UPB1: variants seen among roughly 807,000 people sequenced by gnomAD.
UPB1 encodes beta-ureidopropionase 1.
Under a neutral mutation model 49.1 loss-of-function variants are expected in UPB1, and 40 were observed. The ratio of observed to expected loss-of-function variants is 0.81; its 90% confidence interval spans 0.63 to 1.06. The LOEUF (loss-of-function observed/expected upper bound fraction) is 1.06, where lower values mean the gene tolerates loss of function less well. Ranked by LOEUF, UPB1 falls within the 50% of genes least tolerant of loss-of-function variation. The pLI, the probability that UPB1 is intolerant of heterozygous loss-of-function variation, is 0.00. For synonymous variants in UPB1, 207 were observed against 198.2 expected (o/e 1.04, Z -0.38); for missense variants, 499 against 505.9 (o/e 0.99, Z 0.13).
At chr22:24,502,393 T>G in intron 3 of UPB1, 180 bp downstream of exon 3, 1 of 797,580 alleles carries the variant, frequency 1.3e-6, no homozygotes, top group South Asian at 1.3e-5. Context: ...ACCGAGCTGT[T>G]GTCTGATTCC....
rs574467753 is a variant in UPB1 at position 24,502,420 on chromosome 22, C to T, written c.364+207C>T. The T allele has an allele frequency of 8.4e-4, 663 of 785,428 alleles. 8 individuals carry two copies. Among genetic ancestry groups the T allele is most frequent in the South Asian group, 8.1e-3 (602 of 74,708 alleles). 48.7% of individuals were successfully genotyped at this position (785,428 alleles called of 1,614,324 possible). A position where few individuals can be genotyped will look rare whatever the true frequency, so the allele number is the denominator to read the frequency against. ...TCTGATTCCTTCAGTTTTCCCACAT[C>T]GTTCTGAATCCATTCGCTCCTCTCC... On this transcript the variant is annotated intron_variant, in intron 3 of 9. Transcript: ENST00000326010.
Position 24,527,456 on chromosome 22 carries a change from CA to C in UPB1, c.*1663del, listed in dbSNP as rs2044490860. On this transcript the variant is annotated 3_prime_UTR_variant, in exon 10 of 10. Coordinates refer to ENST00000326010, the MANE Select transcript of UPB1 (RefSeq NM_016327.3). ...GGGAGCCCCTTGGCAGTTATCAGTG[CA>C]GCGCCTATTTAGCCCTGTCCCTGAA... 1 of 151,070 alleles carries C rather than the reference CA, an allele frequency of 6.6e-6. No individual in the cohort carries two copies. The allele number at this position is 151,070 out of a possible 1,614,324, so 9.4% of individuals were successfully genotyped here.
intron 3 of UPB1, among the ~76,000 whole-genome samples, chr22:24,506,347 G>A (rs1428551151): frequency 1.3e-5 from 2 of 152,078 alleles, no homozygotes; most frequent in Non-Finnish European, 2.9e-5. Flanking sequence ...ATAGACCTTT[G>A]ACCAGTCCTT....
chr22:24,516,307 C>T (rs899855850), intron 6 of UPB1, among the ~76,000 whole-genome samples: 2 of 152,090 alleles, frequency 1.3e-5, no homozygotes, highest in African/African-American at 4.8e-5. Flanking sequence ...GGAGGGTGGC[C>T]CCGGAAGCCC....
intron 6 of UPB1, among the ~76,000 whole-genome samples, chr22:24,518,954 C>G (rs1233573589): frequency 1.3e-5 from 2 of 152,188 alleles, no homozygotes; most frequent in African/African-American, 4.8e-5. Context: ...TCTCACTAAC[C>G]CCAGCTTCCT....
At chr22:24,518,671 TTCA>T in intron 6 of UPB1, among the ~76,000 whole-genome samples, 1 of 152,330 alleles carries the variant, frequency 6.6e-6, no homozygotes, top group African/African-American at 2.4e-5. Flanking sequence ...GGTGTCCTCA[TTCA>T]TTTTTGAGTC....
Position 24,500,260 on chromosome 22 carries a change from T to A in UPB1, c.258T>A (p.Asn86Lys). 1 of 1,614,172 alleles carries A rather than the reference T, an allele frequency of 6.2e-7. No individual in the cohort carries two copies. The highest frequency in any genetic ancestry group is 8.5e-7 in the Non-Finnish European group (1 of 1,180,026). Residue 86 changes from asparagine to lysine, a missense_variant, in exon 2 of 10, where the codon AAT (asparagine) becomes AAA (lysine). By Grantham distance (94) the Asn-to-Lys change is moderately conservative. Transcript: ENST00000326010. ...AGAACAGAATCCCCCTCCCCGCAAATGCCCCTGTGGCAGAACAGGTGCAGA... is the reference window on the plus strand; with the variant it reads ...AGAACAGAATCCCCCTCCCCGCAAAAGCCCCTGTGGCAGAACAGGTGCAGA... ...LVQNRIPLPA[N>K]APVAEQVSAL... is the part of the protein sequence containing the mutation.
Position 24,502,660 on chromosome 22 carries a change from G to A in UPB1, c.364+447G>A, listed in dbSNP as rs552107098. ...ACATGCTCATGGTTTAGAGTCAGAT[G>A]GGTGTACAAGGTCTGTTACCAAAAA... On this transcript the variant is annotated intron_variant, in intron 3 of 9. Coordinates refer to ENST00000326010, the MANE Select transcript of UPB1 (RefSeq NM_016327.3). 3.6e-5 allele frequency: 23 copies of A among 630,840 alleles called. No individual in the cohort carries two copies. In the East Asian group the frequency reaches 5.7e-4, roughly 16 times the overall value. The allele number at this position is 630,840 out of a possible 1,614,324, so 39.1% of individuals were successfully genotyped here.
chr22:24,501,267 C>T (rs2097862829), intron 2 of UPB1, among the ~76,000 whole-genome samples: 2 of 152,204 alleles, frequency 1.3e-5, no homozygotes, highest in South Asian at 4.1e-4. Context: ...AAGGAGGAGA[C>T]TATAGGCCTT....
At chr22:24,522,285 C>G (rs756824754) in intron 8 of UPB1, among the ~76,000 whole-genome samples, 4 of 152,156 alleles carry the variant, frequency 2.6e-5, no homozygotes, top group Non-Finnish European at 5.9e-5. Flanking sequence ...GAAGATGAAC[C>G]AAGAGGATGT....
At chr22:24,509,745 AT>A (rs131452) in intron 3 of UPB1, among the ~76,000 whole-genome samples, 91,957 of 151,924 alleles carry the variant, frequency 0.61, 28,207 homozygotes, top group African/African-American at 0.69. Flanking sequence ...ATAGATATAC[AT>A]TAACAATATT....
At position 24,525,817 on chromosome 22, in the gene UPB1, G is replaced by T. The variant is rs201029672; in HGVS notation, c.*23G>T. On this transcript the variant is annotated 3_prime_UTR_variant, in exon 10 of 10. Coordinates refer to ENST00000326010, the MANE Select transcript of UPB1 (RefSeq NM_016327.3). Reference sequence around the variant, plus strand: ...TAGCCGGCTTCAGTGCCTGCCTTGGGGTGAGGAAGACACCTCTGCCCCAGT... The same window carrying T: ...TAGCCGGCTTCAGTGCCTGCCTTGGTGTGAGGAAGACACCTCTGCCCCAGT... 2 of 1,613,906 alleles carry T rather than the reference G, an allele frequency of 1.2e-6. No individual in the cohort carries two copies. The highest frequency in any genetic ancestry group is 1.7e-6 in the Non-Finnish European group (2 of 1,179,918).
In UPB1 at chr22:24,506,021, A is replaced by ATTTTT. The variant is rs71189255; in HGVS notation, c.364+3821_364+3825dup. Among the ~76,000 whole-genome samples, 32 of 85,640 alleles carry ATTTTT rather than the reference A, an allele frequency of 3.7e-4. 1 individual carries two copies. In the South Asian group the frequency reaches 0.011, roughly 30 times the overall value. The allele number at this position is 85,640 out of a possible 152,430, so 56.2% of individuals were successfully genotyped here. A position where few individuals can be genotyped will look rare whatever the true frequency, so the allele number is the denominator to read the frequency against. ...AGCCACCGTGCCTGGCCCTAACTGC[A>ATTTTT]TTTTTTTTTTTTTTTTTCAGACGGA... is the stretch of plus-strand genomic sequence containing the variant. On this transcript the variant is annotated intron_variant, in intron 3 of 9. Transcript: ENST00000326010.
At chr22:24,511,622 T>A (rs908356121) in intron 4 of UPB1, among the ~76,000 whole-genome samples, 18 of 142,398 alleles carry the variant, frequency 1.3e-4, no homozygotes, top group African/African-American at 4.6e-4. Context: ...ATATATATTT[T>A]TTTTTTTTTG....
At chr22:24,508,420 G>A (rs1031905998) in intron 3 of UPB1, among the ~76,000 whole-genome samples, 8 of 151,992 alleles carry the variant, frequency 5.3e-5, no homozygotes, top group Non-Finnish European at 1.2e-4. Context: ...TTAGCTGGAT[G>A]TGGTGGCGGG....
chr22:24,524,160 G>A (rs530434060), intron 9 of UPB1, among the ~76,000 whole-genome samples: 8 of 152,318 alleles, frequency 5.3e-5, no homozygotes, highest in African/African-American at 1.9e-4. Context: ...AGTCCCTGCA[G>A]TCTAGGCCTT....
rs752020001 is a variant in UPB1 at position 24,522,007 on chromosome 22, A to G, written c.895A>G (p.Thr299Ala). The change falls in exon 8 of 10, where the codon ACC (threonine) becomes GCC (alanine). Residue 299 changes from threonine to alanine, a missense_variant. Thr to Ala is a moderately conservative substitution (Grantham distance 58, BLOSUM62 0). Transcript: ENST00000326010. ...ACAGGAGCACTTCCCGAACGAGTTT[A>G]CCTCGGGAGATGGAAAGAAAGGTAT... ...VGTEHFPNEF[T>A]SGDGKKAHQD... 2 of 1,614,114 alleles carry G rather than the reference A, an allele frequency of 1.2e-6. No homozygotes were observed. Among genetic ancestry groups the G allele is most frequent in the Non-Finnish European group, 8.5e-7 (1 of 1,180,006 alleles).
At position 24,523,393 on chromosome 22, in the gene UPB1, T is replaced by G. The variant is rs1362342448; in HGVS notation, c.917-226T>G. Among the ~76,000 whole-genome samples the G allele has an allele frequency of 3.9e-5, 6 of 152,198 alleles. No individual in the cohort carries two copies. The East Asian group carries it at 1.2e-3, about 29-fold the overall frequency. ...TCTCAGAAGGGTGACATTTAGACAT[T>G]TCCCCAGGGGCAAAGGGAAGCAGCA... On this transcript the variant is annotated intron_variant, in intron 8 of 9. Coordinates refer to ENST00000326010, the MANE Select transcript of UPB1 (RefSeq NM_016327.3).
chr22:24,497,544 A>G (rs969797443), intron 1 of UPB1, among the ~76,000 whole-genome samples: 1 of 152,166 alleles, frequency 6.6e-6, no homozygotes, highest in African/African-American at 2.4e-5. Flanking sequence ...CCTGAAGGGC[A>G]TGGTGGGGCT....
Sources: gnomAD v4.1 joint callset for allele counts (sites outside exome capture counted in the v4.1 genomes callset) on GRCh38, gnomAD v4.1.1 for gene constraint, MANE v1.5 for transcripts, NCBI Gene and HGNC (gene_info 2026-07-23, HGNC 2026-07-21) for gene names.